EDAR: variants seen among roughly 807,000 people sequenced by gnomAD.
The protein encoded by EDAR is tumor necrosis factor receptor superfamily member EDAR.
A neutral mutation model predicts 51.3 loss-of-function variants in EDAR; 38 were observed. The ratio of observed to expected loss-of-function variants is 0.74; its 90% CI spans 0.57 to 0.97. The LOEUF is 0.97. Ranked by LOEUF, EDAR falls within the 50% of genes least tolerant of loss-of-function variation. The probability of loss-of-function intolerance (pLI) is 0.00; values close to 1 mark genes in which losing one functional copy is unlikely to be tolerated. For synonymous variants in EDAR, 227 were observed against 242.1 expected (o/e 0.94, Z 0.58); for missense variants, 528 against 595.0 (o/e 0.89, Z 1.17).
chr2:108,963,868 A>T (rs1284417304), intron 1 of EDAR, among the ~76,000 whole-genome samples: 1 of 152,154 alleles, frequency 6.6e-6, no homozygotes. Flanking sequence ...AGAGACACCC[A>T]CACACTCAGA....
chr2:108,909,620 G>A (rs1008862578), intron 9 of EDAR, among the ~76,000 whole-genome samples: 3 of 152,234 alleles, frequency 2.0e-5, no homozygotes, highest in Admixed American at 6.5e-5. Flanking sequence ...GGCCTGGCAG[G>A]GGGGTCCGAG....
intron 1 of EDAR, among the ~76,000 whole-genome samples, chr2:108,945,437 A>G (rs1697697138): frequency 6.6e-6 from 1 of 152,208 alleles, no homozygotes; most frequent in Non-Finnish European, 1.5e-5. Context: ...AACCTGTTTT[A>G]AAGCCTTGAG....
chr2:108,903,376 T>G (rs144914527), intron 11 of EDAR, among the ~76,000 whole-genome samples: 1 of 151,912 alleles, frequency 6.6e-6, no homozygotes, highest in African/African-American at 2.4e-5. Context: ...TTTGTACATA[T>G]AGGGAAGATT....
chr2:108,973,625 G>T (rs778934206), intron 1 of EDAR, among the ~76,000 whole-genome samples: 1 of 152,224 alleles, frequency 6.6e-6, no homozygotes, highest in Admixed American at 6.5e-5. Context: ...GCCTCCGGAA[G>T]AACAGAAGGA....
At chr2:108,966,320 T>C (rs1362861551) in intron 1 of EDAR, among the ~76,000 whole-genome samples, 3 of 152,222 alleles carry the variant, frequency 2.0e-5, no homozygotes, top group East Asian at 1.9e-4. Context: ...CACATGAACT[T>C]TGGGTGAAGG....
chr2:108,944,204 C>T (rs766153893), intron 1 of EDAR, among the ~76,000 whole-genome samples: 2 of 152,182 alleles, frequency 1.3e-5, no homozygotes, highest in Non-Finnish European at 1.5e-5. Flanking sequence ...ACCTCTGCCT[C>T]CTGGGCTCAG....
At chr2:108,900,140 C>T (rs1481794298) in intron 11 of EDAR, among the ~76,000 whole-genome samples, 1 of 152,088 alleles carries the variant, frequency 6.6e-6, no homozygotes. Flanking sequence ...GTTCAAGTGA[C>T]CCACAGTAAA....
At chr2:108,897,302 T>A in intron 11 of EDAR, 73 bp from the exon 12 acceptor site, 1 of 1,368,102 alleles carries the variant, frequency 7.3e-7, no homozygotes, top group Non-Finnish European at 1.0e-6. Context: ...AAAAATTATT[T>A]AAATGAAATA....
rs529694746 is a variant in EDAR at position 108,955,753 on chromosome 2, G to A, written c.-18-24721C>T. On this transcript the variant is annotated intron_variant, in intron 1 of 11. Coordinates refer to ENST00000258443, the MANE Select transcript of EDAR (RefSeq NM_022336.4). ...CATAAAATAAAATTAGAGGTAGGGC[G>A]CGGTGGCTCATGCCTGTAATCCCAG... 2.6e-5 allele frequency among the ~76,000 whole-genome samples: 4 copies of A among 152,116 alleles called. No homozygotes were observed. In the East Asian group the frequency reaches 5.8e-4, roughly 22 times the overall value.
chr2:108,932,528 CAA>C (rs1171012818), intron 1 of EDAR, among the ~76,000 whole-genome samples: 47 of 39,136 alleles, frequency 1.2e-3, no homozygotes, highest in African/African-American at 4.6e-3. Context: ...GACTCTGTCT[CAA>C]AAAAAAAAAA....
chr2:108,963,600 G>A (rs866725094), intron 1 of EDAR, among the ~76,000 whole-genome samples: 61 of 152,194 alleles, frequency 4.0e-4, no homozygotes, highest in African/African-American at 1.4e-3. Flanking sequence ...CAAGACAGAA[G>A]ACAATTACAA....
intron 1 of EDAR, among the ~76,000 whole-genome samples, chr2:108,959,712 G>A (rs542933296): frequency 1.3e-5 from 2 of 152,256 alleles, no homozygotes; most frequent in East Asian, 3.9e-4. Flanking sequence ...TGGAGATTTC[G>A]CCTTTCCCCA....
chr2:108,898,123 C>G (rs7591765), intron 11 of EDAR, among the ~76,000 whole-genome samples: 4,346 of 152,252 alleles, frequency 0.029, 195 homozygotes, highest in African/African-American at 0.1. Flanking sequence ...AATAATTGCT[C>G]TATTCCAGCC....
At chr2:108,965,819 C>T (rs1458934218) in intron 1 of EDAR, among the ~76,000 whole-genome samples, 1 of 152,038 alleles carries the variant, frequency 6.6e-6, no homozygotes, top group Non-Finnish European at 1.5e-5. Context: ...TGATGTGCAG[C>T]ACCCTCTCCT....
At chr2:108,987,250 A>G (rs943155174) in intron 1 of EDAR, among the ~76,000 whole-genome samples, 1 of 152,254 alleles carries the variant, frequency 6.6e-6, no homozygotes, top group Non-Finnish European at 1.5e-5. Flanking sequence ...TTGGACCCAG[A>G]AAGGAGCGTC....
At chr2:108,974,344 A>G (rs1378759638) in intron 1 of EDAR, among the ~76,000 whole-genome samples, 6 of 151,166 alleles carry the variant, frequency 4.0e-5, no homozygotes, top group Admixed American at 4.0e-4. Flanking sequence ...AAAAAAAAAA[A>G]AAAAAAAAAA....
intron 1 of EDAR, among the ~76,000 whole-genome samples, chr2:108,965,464 C>CAAAA (rs71383817): frequency 2.0e-4 from 28 of 137,356 alleles, no homozygotes; most frequent in African/African-American, 6.2e-4. Context: ...GATTTCGTCT[C>CAAAA]AAAAAAAAAA....
At chr2:108,899,183 C>T (rs551663387) in intron 11 of EDAR, among the ~76,000 whole-genome samples, 11 of 151,602 alleles carry the variant, frequency 7.3e-5, no homozygotes, top group South Asian at 4.2e-4. Flanking sequence ...AGAAAAACAA[C>T]GCCTGACCTA....
At chr2:108,987,116 A>G (rs380080) in intron 1 of EDAR, among the ~76,000 whole-genome samples, 28,907 of 152,058 alleles carry the variant, frequency 0.19, 2,921 homozygotes, top group Middle Eastern at 0.26. Context: ...GCTGTCTGCC[A>G]AACACCATCC....
Sources: gnomAD v4.1 joint callset for allele counts (sites outside exome capture counted in the v4.1 genomes callset) on GRCh38, gnomAD v4.1.1 for gene constraint, MANE v1.5 for transcripts, NCBI Gene and HGNC (gene_info 2026-07-23, HGNC 2026-07-21) for gene names.